Variants in NRXN3 observed in about 807,000 individuals in gnomAD.
NRXN3 encodes the protein neurexin 3.
Under a neutral mutation model 137.6 loss-of-function variants are expected in NRXN3, and 32 were observed. The ratio of observed to expected loss-of-function variants is 0.23; its 90% CI spans 0.18 to 0.31. The LOEUF (loss-of-function observed/expected upper bound fraction) is 0.31, where lower values mean the gene tolerates loss of function less well. NRXN3 is among the 10% of genes least tolerant of loss of function. The pLI, the probability that NRXN3 is intolerant of heterozygous loss-of-function variation, is 1.00. For missense variants in NRXN3, 1,574 were observed against 2,062.5 expected, an observed-to-expected ratio of 0.76 and a Z score of 4.59; for synonymous variants, 798 against 784.5, an observed-to-expected ratio of 1.02 and a Z score of -0.29.
intron 16 of NRXN3, among the ~76,000 whole-genome samples, chr14:79,622,531 G>A (rs1490903960): frequency 2.0e-5 from 3 of 152,152 alleles, no homozygotes; most frequent in African/African-American, 7.2e-5. Flanking sequence ...GTTAGCACAG[G>A]ATCTGGGATT....
intron 4 of NRXN3, among the ~76,000 whole-genome samples, chr14:78,543,406 A>AT (rs35404970): frequency 0.23 from 35,135 of 152,114 alleles, 4,353 homozygotes; most frequent in Middle Eastern, 0.32. Context: ...TTGATGTCCA[A>AT]TTTCAGTGCT....
intron 19 of NRXN3, among the ~76,000 whole-genome samples, chr14:79,705,281 C>T (rs1030901198): frequency 1.3e-5 from 2 of 152,090 alleles, no homozygotes; most frequent in Admixed American, 1.3e-4. Context: ...TTAGCCGAAT[C>T]TAAAGCCAAA....
At chr14:78,936,302 G>A (rs534103833) in intron 10 of NRXN3, among the ~76,000 whole-genome samples, 10 of 152,148 alleles carry the variant, frequency 6.6e-5, no homozygotes, top group African/African-American at 2.4e-4. Context: ...CTAAACTAGG[G>A]GTCTGCAAAC....
At chr14:79,833,602 G>A (rs1394939893) in intron 20 of NRXN3, among the ~76,000 whole-genome samples, 1 of 139,856 alleles carries the variant, frequency 7.2e-6, no homozygotes, top group Non-Finnish European at 1.5e-5. Context: ...ATTCTCAATA[G>A]GGTTTATTAA....
At chr14:79,126,841 T>G (rs1327471572) in intron 15 of NRXN3, among the ~76,000 whole-genome samples, 1 of 152,116 alleles carries the variant, frequency 6.6e-6, no homozygotes, top group Non-Finnish European at 1.5e-5. Flanking sequence ...CACCTGTTGT[T>G]TCCTGACTTT....
intron 15 of NRXN3, among the ~76,000 whole-genome samples, chr14:79,251,948 A>G (rs1163877390): frequency 6.6e-6 from 1 of 151,876 alleles, no homozygotes; most frequent in Admixed American, 6.6e-5. Context: ...CTTCACAAGT[A>G]GCTGGGACTG....
At chr14:79,693,896 C>T (rs1012494512) in intron 18 of NRXN3, among the ~76,000 whole-genome samples, 1 of 151,862 alleles carries the variant, frequency 6.6e-6, no homozygotes, top group Admixed American at 6.6e-5. Context: ...AGTTTCTCTT[C>T]TACATTTTGT....
At chr14:79,695,624 C>A (rs1158973995) in intron 18 of NRXN3, among the ~76,000 whole-genome samples, 5 of 143,662 alleles carry the variant, frequency 3.5e-5, no homozygotes, top group Non-Finnish European at 4.5e-5. Flanking sequence ...TTGTAGTAAG[C>A]TCAGGGCTTC....
At chr14:78,954,525 C>T (rs558816290) in intron 10 of NRXN3, among the ~76,000 whole-genome samples, 5 of 152,118 alleles carry the variant, frequency 3.3e-5, no homozygotes, top group African/African-American at 9.6e-5. Context: ...AGGGCAGTGG[C>T]GCAATCTCAG....
Position 78,378,850 on chromosome 14 carries a change from T to C in NRXN3, c.757+80990T>C, listed in dbSNP as rs2088447946. 2.6e-5 allele frequency among the ~76,000 whole-genome samples: 4 copies of C among 151,794 alleles called. No homozygotes were observed. The South Asian group carries it at 8.3e-4, about 31-fold the overall frequency. On this transcript the variant is annotated intron_variant, in intron 4 of 20. Transcript: ENST00000335750. Reference sequence around the variant, plus strand: ...TCAATGAAACAAATAAATGATTCCATGAAAAGAACAACAAAATTGACACAA... The same window carrying C: ...TCAATGAAACAAATAAATGATTCCACGAAAAGAACAACAAAATTGACACAA...
intron 15 of NRXN3, among the ~76,000 whole-genome samples, chr14:79,282,968 C>T (rs924181693): frequency 6.6e-6 from 1 of 152,296 alleles, no homozygotes; most frequent in South Asian, 2.1e-4. Flanking sequence ...CCATCCTGCA[C>T]CCAAGCTGTG....
At chr14:78,667,504 T>C (rs1194596770) in intron 6 of NRXN3, among the ~76,000 whole-genome samples, 1 of 152,224 alleles carries the variant, frequency 6.6e-6, no homozygotes, top group Non-Finnish European at 1.5e-5. Context: ...ACAGCAATGC[T>C]GTATATAATA....
intron 4 of NRXN3, among the ~76,000 whole-genome samples, chr14:78,544,255 A>G (rs2096617945): frequency 6.6e-6 from 1 of 152,196 alleles, no homozygotes; most frequent in Non-Finnish European, 1.5e-5. Flanking sequence ...AGGGCACAAG[A>G]GGTGTCTCAT....
intron 19 of NRXN3, among the ~76,000 whole-genome samples, chr14:79,749,615 C>T (rs1346342870): frequency 6.6e-6 from 1 of 151,974 alleles, no homozygotes; most frequent in African/African-American, 2.4e-5. Context: ...TTGCCATTTG[C>T]CATCAACACT....
intron 15 of NRXN3, among the ~76,000 whole-genome samples, chr14:79,332,724 A>G (rs1566826762): frequency 6.6e-6 from 1 of 151,008 alleles, no homozygotes; most frequent in Non-Finnish European, 1.5e-5. Context: ...ATCCCTCAAT[A>G]GACTGTGAGG....
At chr14:78,988,298 A>T in intron 15 of NRXN3, 157 bp downstream of exon 15, 1 of 848,650 alleles carries the variant, frequency 1.2e-6, no homozygotes, top group Non-Finnish European at 1.9e-6. Context: ...TGCTCTTATG[A>T]GAAGAGTGAA....
At chr14:78,313,822 T>C (rs964338431) in intron 4 of NRXN3, among the ~76,000 whole-genome samples, 2 of 152,200 alleles carry the variant, frequency 1.3e-5, no homozygotes, top group African/African-American at 4.8e-5. Flanking sequence ...ATTTTACTTT[T>C]GGTAAAATTG....
chr14:79,651,570 T>A (rs967055050), intron 16 of NRXN3, among the ~76,000 whole-genome samples: 21 of 152,204 alleles, frequency 1.4e-4, no homozygotes, highest in African/African-American at 4.8e-4. Context: ...TAAAAAAACA[T>A]TGAAATGAAT....
At chr14:79,192,261 G>T (rs1186772009) in intron 15 of NRXN3, among the ~76,000 whole-genome samples, 1 of 152,136 alleles carries the variant, frequency 6.6e-6, no homozygotes, top group African/African-American at 2.4e-5. Flanking sequence ...TGTAAAATAT[G>T]ATAATAGTAG....
Sources: gnomAD v4.1 joint callset for allele counts (sites outside exome capture counted in the v4.1 genomes callset) on GRCh38, gnomAD v4.1.1 for gene constraint, MANE v1.5 for transcripts, NCBI Gene and HGNC (gene_info 2026-07-23, HGNC 2026-07-21) for gene names.